The following NR5A2 variants were observed in gnomAD, a reference collection of about 807,000 sequenced individuals.
NR5A2 encodes the protein nuclear receptor subfamily 5 group A member 2, also known as CYP7A promoter-binding factor.
In NR5A2, 26 loss-of-function variants were observed where a neutral mutation model predicts 62.7. The observed-to-expected ratio is 0.41, with a 90% CI of 0.30 to 0.58. NR5A2 has a LOEUF of 0.58. Ranked by LOEUF, NR5A2 falls within the 20% of genes least tolerant of loss-of-function variation. The probability of loss-of-function intolerance (pLI) is 0.22; values close to 1 mark genes in which losing one functional copy is unlikely to be tolerated. For synonymous variants in NR5A2, 246 were observed against 241.7 expected (o/e 1.02, Z -0.16); for missense variants, 541 against 669.1 (o/e 0.81, Z 2.11).
At chr1:200,172,962 AT>A (rs1454405723) in intron 7 of NR5A2, among the ~76,000 whole-genome samples, 2 of 152,040 alleles carry the variant, frequency 1.3e-5, no homozygotes, top group African/African-American at 4.8e-5. Context: ...GTATCTGTCT[AT>A]TTTTTCCAGA....
At chr1:200,060,767 C>T (rs181846642) in intron 5 of NR5A2, among the ~76,000 whole-genome samples, 31 of 152,036 alleles carry the variant, frequency 2.0e-4, no homozygotes, top group Admixed American at 1.2e-3. Flanking sequence ...GAATTCTTCA[C>T]GTATGTGTCC....
chr1:200,060,958 A>AC (rs1329388177), intron 5 of NR5A2, among the ~76,000 whole-genome samples: 84 of 150,114 alleles, frequency 5.6e-4, no homozygotes, highest in Non-Finnish European at 9.3e-4. Flanking sequence ...AAAAAAAAAA[A>AC]AAAATACAAA....
At chr1:200,129,756 C>T (rs578212136) in intron 7 of NR5A2, among the ~76,000 whole-genome samples, 1 of 152,248 alleles carries the variant, frequency 6.6e-6, no homozygotes, top group East Asian at 1.9e-4. Context: ...TCTGCCACTT[C>T]CTGTGGAGAG....
chr1:200,073,713 CAT>C (rs1285096685), intron 5 of NR5A2, among the ~76,000 whole-genome samples: 6 of 151,972 alleles, frequency 3.9e-5, no homozygotes, highest in African/African-American at 1.5e-4. Flanking sequence ...CACACACACA[CAT>C]ATGCACACAC....
At chr1:200,038,623 C>G in intron 1 of NR5A2, 2 of 986,856 alleles carry the variant, frequency 2.0e-6, no homozygotes, top group Non-Finnish European at 2.9e-6. Context: ...GTTTAACTCC[C>G]TTCATCTCCT....
At chr1:200,130,774 T>G (rs532445084) in intron 7 of NR5A2, among the ~76,000 whole-genome samples, 11 of 152,226 alleles carry the variant, frequency 7.2e-5, no homozygotes, top group Non-Finnish European at 1.0e-4. Flanking sequence ...TATGATTACA[T>G]ACTCACCCAC....
chr1:200,135,582 T>C (rs1667188888), intron 7 of NR5A2, among the ~76,000 whole-genome samples: 1 of 151,652 alleles, frequency 6.6e-6, no homozygotes, highest in Non-Finnish European at 1.5e-5. Flanking sequence ...AAGAGAGGCG[T>C]TCATGACAAG....
chr1:200,030,634 A>T (rs1301237957), intron 1 of NR5A2, among the ~76,000 whole-genome samples: 2 of 152,234 alleles, frequency 1.3e-5, no homozygotes, highest in African/African-American at 4.8e-5. Flanking sequence ...TCAAGAAAAG[A>T]GCCATATCTG....
At position 200,175,723 on chromosome 1, in the gene NR5A2, ATTATTT is replaced by A. The variant is rs1170224233; in HGVS notation, c.*1517_*1522del. 3.3e-5 allele frequency: 5 copies of A among 152,656 alleles called. No homozygotes were observed. The highest frequency in any genetic ancestry group is 9.6e-5 in the African/African-American group (4 of 41,570). The allele number at this position is 152,656 out of a possible 1,614,324, so 9.5% of individuals were successfully genotyped here. ...CTTAATGTTATTTTTCTGATTGGTA[ATTATTT>A]TTAACAGTACTTAATTATTCTATGT... On this transcript the variant is annotated 3_prime_UTR_variant, in exon 8 of 8. Transcript: ENST00000367362.
Position 200,111,269 on chromosome 1 carries a change from G to A in NR5A2, c.1178G>A (p.Arg393Gln), listed in dbSNP as rs772993318. The change falls in exon 6 of 8, where the codon CGA (arginine) becomes CAA (glutamine). Residue 393 changes from arginine (R) to glutamine (Q), a missense_variant. By Grantham distance (43) the Arg-to-Gln change is conservative. Coordinates refer to ENST00000367362, the MANE Select transcript of NR5A2 (RefSeq NM_205860.3). ...CTCTTAATCCTCGACCACATTTACCGACAAGTGGTACATGGAAAGGAAGGA... is the reference window on the plus strand; with the variant it reads ...CTCTTAATCCTCGACCACATTTACCAACAAGTGGTACATGGAAAGGAAGGA... ...SELLILDHIY[R>Q]QVVHGKEGSI... 9 of 1,610,798 alleles carry A rather than the reference G, an allele frequency of 5.6e-6. No individual in the cohort carries two copies. The highest frequency in any genetic ancestry group is 1.4e-5 in the African/African-American group (1 of 73,898).
intron 7 of NR5A2, among the ~76,000 whole-genome samples, chr1:200,135,339 G>A (rs1667167667): frequency 6.6e-6 from 1 of 151,988 alleles, no homozygotes; most frequent in Non-Finnish European, 1.5e-5. Flanking sequence ...TAGCCAACAT[G>A]GTGAAACCCC....
At chr1:200,149,154 C>T (rs1571559361) in intron 7 of NR5A2, among the ~76,000 whole-genome samples, 1 of 152,206 alleles carries the variant, frequency 6.6e-6, no homozygotes, top group Non-Finnish European at 1.5e-5. Context: ...CTCAGGTGAT[C>T]CATCTGCCTC....
chr1:200,031,527 CA>C (rs1661546670), intron 1 of NR5A2, among the ~76,000 whole-genome samples: 2 of 139,668 alleles, frequency 1.4e-5, no homozygotes, highest in African/African-American at 5.3e-5. Flanking sequence ...AAAAACAAAA[CA>C]AAACAAAACA....
intron 6 of NR5A2, among the ~76,000 whole-genome samples, chr1:200,112,922 C>T (rs371734069): frequency 7.2e-5 from 11 of 152,136 alleles, no homozygotes; most frequent in East Asian, 1.9e-4. Context: ...GGGTTTGTGC[C>T]GTTCTTTTTC....
chr1:200,149,285 A>G (rs950026721), intron 7 of NR5A2, among the ~76,000 whole-genome samples: 1 of 152,204 alleles, frequency 6.6e-6, no homozygotes, highest in South Asian at 2.1e-4. Context: ...TATTCAAAAG[A>G]GTGACCATGG....
chr1:200,047,584 C>CTTTTT (rs3066613), intron 4 of NR5A2, among the ~76,000 whole-genome samples: 4 of 148,298 alleles, frequency 2.7e-5, no homozygotes, highest in Non-Finnish European at 3.0e-5. Context: ...TATTTCTTTT[C>CTTTTT]TTTTTTTTGA....
In NR5A2 at chr1:200,166,574, A is replaced by C. The variant is rs765452460; in HGVS notation, c.1379-7389A>C. Among the ~76,000 whole-genome samples, 4 of 152,142 alleles carry C rather than the reference A, an allele frequency of 2.6e-5. No individual in the cohort carries two copies. The East Asian group carries it at 5.8e-4, about 22-fold the overall frequency. ...ACTAACCAGCACTTCCCATTCTCCAACTCCAGCAAGTGACAGAAACTTGCA... is the reference window on the plus strand; with the variant it reads ...ACTAACCAGCACTTCCCATTCTCCACCTCCAGCAAGTGACAGAAACTTGCA... On this transcript the variant is annotated intron_variant, in intron 7 of 7. Transcript: ENST00000367362.
chr1:200,060,519 G>A (rs1009442179), intron 5 of NR5A2, among the ~76,000 whole-genome samples: 2 of 152,126 alleles, frequency 1.3e-5, no homozygotes, highest in African/African-American at 4.8e-5. Context: ...GAGGCTGCAG[G>A]CTTAGCAAGG....
rs182903846 is a variant in NR5A2 at position 200,118,295 on chromosome 1, G to C, written c.1231-2513G>C. ...GCCTCCCAAAGCACTGGGATTACAG[G>C]AGTGAGCCACCGCACCTGGATCTTA... On this transcript the variant is annotated intron_variant, in intron 6 of 7. Transcript: ENST00000367362. Among the ~76,000 whole-genome samples, 598 of 152,292 alleles carry C rather than the reference G, an allele frequency of 3.9e-3. 3 individuals are homozygous for C. The highest frequency in any genetic ancestry group is 0.014 in the African/African-American group (569 of 41,552).
Sources: gnomAD v4.1 joint callset for allele counts (sites outside exome capture counted in the v4.1 genomes callset) on GRCh38, gnomAD v4.1.1 for gene constraint, MANE v1.5 for transcripts, NCBI Gene and HGNC (gene_info 2026-07-23, HGNC 2026-07-21) for gene names.